Variants in CDH22 observed in about 807,000 individuals in gnomAD.
CDH22 encodes the protein cadherin 22, also known as cadherin-22.
In CDH22, 30 loss-of-function variants were observed where a neutral mutation model predicts 58.4. The ratio of observed to expected loss-of-function variants is 0.51; its 90% CI spans 0.38 to 0.70. CDH22 has a LOEUF of 0.70. CDH22 is among the 30% of genes least tolerant of loss of function. The probability of loss-of-function intolerance (pLI) is 0.00; values close to 1 mark genes in which losing one functional copy is unlikely to be tolerated. For missense variants in CDH22, 1,014 were observed against 1,233.9 expected (o/e 0.82, Z 2.67); for synonymous variants, 513 against 558.2 (o/e 0.92, Z 1.14).
At chr20:46,289,230 A>G (rs187523739) in intron 1 of CDH22, among the ~76,000 whole-genome samples, 8 of 152,162 alleles carry the variant, frequency 5.3e-5, no homozygotes, top group Admixed American at 5.2e-4. Flanking sequence ...GTCTGCTCAA[A>G]TGGCTGACCC....
At chr20:46,303,260 C>A (rs979365211) in intron 1 of CDH22, among the ~76,000 whole-genome samples, 2 of 152,202 alleles carry the variant, frequency 1.3e-5, no homozygotes, top group African/African-American at 2.4e-5. Flanking sequence ...GGCCTTGGTA[C>A]CCCTTGGCAT....
At chr20:46,264,872 G>A (rs1337276091) in intron 1 of CDH22, among the ~76,000 whole-genome samples, 14 of 147,508 alleles carry the variant, frequency 9.5e-5, no homozygotes, top group South Asian at 2.2e-4. Context: ...CACACCGTGC[G>A]CACACACACA....
chr20:46,265,228 A>T (rs1328169062), intron 1 of CDH22, among the ~76,000 whole-genome samples: 3 of 152,176 alleles, frequency 2.0e-5, no homozygotes, highest in African/African-American at 7.2e-5. Flanking sequence ...GGATGGGGGC[A>T]GGGCCCTGCC....
intron 2 of CDH22, among the ~76,000 whole-genome samples, chr20:46,246,646 C>G (rs949203372): frequency 1.3e-5 from 2 of 152,040 alleles, no homozygotes; most frequent in East Asian, 3.9e-4. Context: ...GGGGCCTTGG[C>G]GACAACCGCG....
chr20:46,199,406 C>G lies in CDH22; in HGVS notation c.1423+17G>C, dbSNP rs1385526821. 5 of 1,602,628 alleles carry G rather than the reference C, an allele frequency of 3.1e-6. No individual in the cohort carries two copies. The highest frequency in any genetic ancestry group is 4.2e-6 in the Non-Finnish European group (5 of 1,177,622). ...GCCCCATATTTGCCCTTGGAGGGGG[C>G]GTGGCGCCCAGCTCACCCGCCTCCA... On this transcript the variant is annotated intron_variant, in intron 8 of 11. Transcript: ENST00000537909.
rs753926842 is a variant in CDH22, at chr20:46,217,004, G to A, written c.671-11C>T. ...CCGTCCGGATTACGCCTGTGGGTGAGTGAGGGTGAGGCCAGGGCACCCCAC... is the reference window on the plus strand; with the variant it reads ...CCGTCCGGATTACGCCTGTGGGTGAATGAGGGTGAGGCCAGGGCACCCCAC... On this transcript the variant is annotated splice_polypyrimidine_tract_variant and intron_variant, in intron 4 of 11. Coordinates refer to ENST00000537909, the MANE Select transcript of CDH22 (RefSeq NM_021248.3). 6.3e-7 allele frequency: 1 copy of A among 1,580,858 alleles called. No individual in the cohort carries two copies. The highest frequency in any genetic ancestry group is 8.6e-7 in the Non-Finnish European group (1 of 1,157,312).
At chr20:46,192,205 G>A (rs980215741) in intron 8 of CDH22, among the ~76,000 whole-genome samples, 2 of 152,168 alleles carry the variant, frequency 1.3e-5, no homozygotes, top group African/African-American at 4.8e-5. Context: ...GCAACTGTGT[G>A]CACACTACAT....
intron 7 of CDH22, among the ~76,000 whole-genome samples, chr20:46,207,385 T>TCCGTGTTC (rs559522210): frequency 3.7e-4 from 57 of 152,214 alleles, no homozygotes; most frequent in African/African-American, 1.4e-3. Flanking sequence ...CGCCTCCCGC[T>TCCGTGTTC]CCGTGTTCTT....
At chr20:46,205,402 G>A (rs2085994227) in intron 7 of CDH22, among the ~76,000 whole-genome samples, 1 of 152,170 alleles carries the variant, frequency 6.6e-6, no homozygotes, top group Admixed American at 6.5e-5. Flanking sequence ...TAGAGATGGG[G>A]AAACCGAGGC....
At chr20:46,221,631 C>T (rs1245653150) in intron 4 of CDH22, among the ~76,000 whole-genome samples, 1 of 152,292 alleles carries the variant, frequency 6.6e-6, no homozygotes, top group East Asian at 1.9e-4. Context: ...TAGTCCCAGG[C>T]GAACCCAGGT....
chr20:46,286,317 C>T (rs1315996903), intron 1 of CDH22, among the ~76,000 whole-genome samples: 1 of 152,124 alleles, frequency 6.6e-6, no homozygotes, highest in South Asian at 2.1e-4. Context: ...GGCAGGGAGT[C>T]GAGGTCCAAA....
At chr20:46,256,567 G>A (rs2086407719) in intron 1 of CDH22, among the ~76,000 whole-genome samples, 2 of 152,132 alleles carry the variant, frequency 1.3e-5, no homozygotes, top group Admixed American at 6.5e-5. Context: ...GTGAGTGCAG[G>A]GGAAGCAGCA....
chr20:46,266,817 A>T (rs1050918977), intron 1 of CDH22, among the ~76,000 whole-genome samples: 1 of 152,078 alleles, frequency 6.6e-6, no homozygotes, highest in African/African-American at 2.4e-5. Flanking sequence ...GGTGTATAGC[A>T]AGGTGAGGCT....
At position 46,196,369 on chromosome 20, in the gene CDH22, G is replaced by A. The variant is rs183156695; in HGVS notation, c.1423+3054C>T. Among the ~76,000 whole-genome samples the A allele has an allele frequency of 5.3e-5, 8 of 152,244 alleles. No homozygotes were observed. The East Asian group carries it at 1.5e-3, about 29-fold the overall frequency. Reference sequence around the variant, plus strand: ...GGCTCATTGCAACCTCTGCCTTTGGGTTCAAGCGATTCTCGTGCCTTAGCC... The same window carrying A: ...GGCTCATTGCAACCTCTGCCTTTGGATTCAAGCGATTCTCGTGCCTTAGCC... On this transcript the variant is annotated intron_variant, in intron 8 of 11. Coordinates refer to ENST00000537909, the MANE Select transcript of CDH22 (RefSeq NM_021248.3).
At chr20:46,198,756 G>A (rs1332885267) in intron 8 of CDH22, among the ~76,000 whole-genome samples, 1 of 152,162 alleles carries the variant, frequency 6.6e-6, no homozygotes, top group Non-Finnish European at 1.5e-5. Context: ...CCTCCAACGT[G>A]CTTGGCAAAT....
chr20:46,235,829 C>T (rs1231565679), intron 3 of CDH22, among the ~76,000 whole-genome samples: 1 of 152,210 alleles, frequency 6.6e-6, no homozygotes, highest in Admixed American at 6.5e-5. Flanking sequence ...TACTCCCAAC[C>T]TTGCCTCCTA....
chr20:46,223,824 TCC>T (rs2086151602), intron 4 of CDH22, among the ~76,000 whole-genome samples: 1 of 3,984 alleles, frequency 2.5e-4, no homozygotes, highest in Non-Finnish European at 8.7e-4. Context: ...CTTTCTTCCT[TCC>T]TTCCTTCCTT....
chr20:46,208,752 C>A (rs896904828), intron 7 of CDH22, among the ~76,000 whole-genome samples: 1 of 152,180 alleles, frequency 6.6e-6, no homozygotes, highest in Non-Finnish European at 1.5e-5. Context: ...CGCTACCACA[C>A]CCGGCTAATT....
chr20:46,197,111 G>A lies in CDH22; in HGVS notation c.1423+2312C>T, dbSNP rs549953777. ...CAGCAGAGAGTGCCCAGAAAAGGGA[G>A]GCCATGCAGCAATGCCGTGGGGACC... On this transcript the variant is annotated intron_variant, in intron 8 of 11. Transcript: ENST00000537909. Among the ~76,000 whole-genome samples, 5 of 152,210 alleles carry A rather than the reference G, an allele frequency of 3.3e-5. No homozygotes were observed. The South Asian group carries it at 1.0e-3, about 32-fold the overall frequency.
Sources: gnomAD v4.1 joint callset for allele counts (sites outside exome capture counted in the v4.1 genomes callset) on GRCh38, gnomAD v4.1.1 for gene constraint, MANE v1.5 for transcripts, NCBI Gene and HGNC (gene_info 2026-07-23, HGNC 2026-07-21) for gene names.